The following PHACTR1 variants were observed in gnomAD, a reference collection of about 807,000 sequenced individuals.
The protein encoded by PHACTR1 is phosphatase and actin regulator 1, also known as RPEL repeat containing 1.
A neutral mutation model predicts 69.2 loss-of-function variants in PHACTR1; 16 were observed. That is an observed-to-expected ratio of 0.23 (90% CI 0.16 to 0.35). The LOEUF (loss-of-function observed/expected upper bound fraction) is 0.35. Among genes scored for constraint, PHACTR1 ranks in the 10% least tolerant of loss-of-function variants. PHACTR1 has a pLI of 1.00. For synonymous variants in PHACTR1, 312 were observed against 284.5 expected, an observed-to-expected ratio of 1.10 and a Z score of -0.97; for missense variants, 510 against 734.7, an observed-to-expected ratio of 0.69 and a Z score of 3.54.
intron 4 of PHACTR1, among the ~76,000 whole-genome samples, chr6:12,778,564 GGATT>G (rs1423946514): frequency 1.3e-5 from 2 of 152,038 alleles, no homozygotes; most frequent in Non-Finnish European, 2.9e-5. Flanking sequence ...ACACACAAAA[GGATT>G]GTTTAGTTTA....
At chr6:13,222,115 C>G (rs1768764058) in intron 8 of PHACTR1, among the ~76,000 whole-genome samples, 1 of 152,032 alleles carries the variant, frequency 6.6e-6, no homozygotes, top group African/African-American at 2.4e-5. Context: ...GTTTTAGAAG[C>G]TAGTTAGCCC....
At chr6:13,176,532 G>A (rs137961628) in intron 6 of PHACTR1, among the ~76,000 whole-genome samples, 1 of 152,194 alleles carries the variant, frequency 6.6e-6, no homozygotes, top group East Asian at 1.9e-4. Context: ...TGTGTAGCAC[G>A]TATGTTTCCA....
chr6:13,054,398 G>C (rs1806458770), intron 5 of PHACTR1, among the ~76,000 whole-genome samples: 2 of 152,166 alleles, frequency 1.3e-5, no homozygotes, highest in African/African-American at 4.8e-5. Flanking sequence ...GATTCCCTTT[G>C]GTTTTGGTCT....
chr6:13,161,484 A>G (rs560007839), intron 6 of PHACTR1, among the ~76,000 whole-genome samples: 3 of 151,912 alleles, frequency 2.0e-5, no homozygotes, highest in Non-Finnish European at 2.9e-5. Flanking sequence ...AGGTCTTCTG[A>G]TTGTTTCATG....
intron 4 of PHACTR1, among the ~76,000 whole-genome samples, chr6:13,050,529 G>T (rs1482875484): frequency 6.6e-6 from 1 of 152,102 alleles, no homozygotes; most frequent in Admixed American, 6.5e-5. Context: ...TAAGAACCAT[G>T]TTTCATACAT....
At chr6:13,027,619 G>C (rs1433105322) in intron 4 of PHACTR1, among the ~76,000 whole-genome samples, 1 of 152,138 alleles carries the variant, frequency 6.6e-6, no homozygotes. Flanking sequence ...ACTTCAATGA[G>C]ATGTTTTCCA....
chr6:13,187,523 TA>T (rs1022337371), intron 7 of PHACTR1, among the ~76,000 whole-genome samples: 9 of 152,188 alleles, frequency 5.9e-5, no homozygotes, highest in African/African-American at 2.2e-4. Flanking sequence ...GAAAAAGGCA[TA>T]AAAAGATTTA....
At chr6:13,250,809 C>T (rs937821294) in intron 10 of PHACTR1, among the ~76,000 whole-genome samples, 3 of 152,076 alleles carry the variant, frequency 2.0e-5, no homozygotes, top group African/African-American at 7.2e-5. Flanking sequence ...CAGGTCTGGG[C>T]GCAAGACAGG....
chr6:13,219,088 C>A (rs1345925721), intron 8 of PHACTR1, among the ~76,000 whole-genome samples: 3 of 152,108 alleles, frequency 2.0e-5, no homozygotes, highest in Non-Finnish European at 2.9e-5. Flanking sequence ...TACAGCTTTT[C>A]ACCTCCCTAA....
At chr6:12,906,423 T>A (rs945949007) in intron 4 of PHACTR1, among the ~76,000 whole-genome samples, 1 of 152,210 alleles carries the variant, frequency 6.6e-6, no homozygotes, top group African/African-American at 2.4e-5. Context: ...CAATGAAAAG[T>A]GCTCTTGATA....
At chr6:12,904,393 G>A (rs1264796859) in intron 4 of PHACTR1, among the ~76,000 whole-genome samples, 1 of 151,986 alleles carries the variant, frequency 6.6e-6, no homozygotes, top group African/African-American at 2.4e-5. Context: ...AAATAGCCAG[G>A]CGTGGTGGCA....
At chr6:13,277,022 C>G (rs1779065313) in intron 11 of PHACTR1, among the ~76,000 whole-genome samples, 1 of 152,196 alleles carries the variant, frequency 6.6e-6, no homozygotes, top group Non-Finnish European at 1.5e-5. Flanking sequence ...GGCTGAGAAT[C>G]ACAGGCCTTC....
chr6:13,212,999 A>G (rs907774788), intron 8 of PHACTR1, among the ~76,000 whole-genome samples: 1 of 152,086 alleles, frequency 6.6e-6, no homozygotes, highest in African/African-American at 2.4e-5. Context: ...TGCTCTTCTC[A>G]CCTAATAGAA....
intron 4 of PHACTR1, among the ~76,000 whole-genome samples, chr6:12,769,500 G>C (rs1769105660): frequency 6.6e-6 from 1 of 152,204 alleles, no homozygotes; most frequent in Non-Finnish European, 1.5e-5. Flanking sequence ...CTATGTATGG[G>C]ACCTTGAGTT....
chr6:13,040,292 C>T (rs1803944894), intron 4 of PHACTR1, among the ~76,000 whole-genome samples: 1 of 152,108 alleles, frequency 6.6e-6, no homozygotes, highest in Non-Finnish European at 1.5e-5. Flanking sequence ...ATTTCTTGTG[C>T]CTGCCCTTTT....
At chr6:12,842,347 CAT>C (rs1323773751) in intron 4 of PHACTR1, among the ~76,000 whole-genome samples, 17 of 152,134 alleles carry the variant, frequency 1.1e-4, no homozygotes, top group Non-Finnish European at 2.9e-5. Flanking sequence ...CTGGGGAAAA[CAT>C]ATGATAGTAA....
chr6:12,737,430 CAT>C (rs746096488), intron 3 of PHACTR1, among the ~76,000 whole-genome samples: 22 of 151,996 alleles, frequency 1.4e-4, no homozygotes, highest in African/African-American at 3.9e-4. Flanking sequence ...CGCATGCACA[CAT>C]ATGTGTCCAG....
intron 6 of PHACTR1, among the ~76,000 whole-genome samples, chr6:13,175,926 A>G (rs1761255467): frequency 6.6e-6 from 1 of 152,034 alleles, no homozygotes; most frequent in Non-Finnish European, 1.5e-5. Context: ...ACCAACTGGG[A>G]AAGTCTGAGT....
chr6:12,888,913 A>G (rs34944538), intron 4 of PHACTR1, among the ~76,000 whole-genome samples: 36,825 of 152,214 alleles, frequency 0.24, 4,860 homozygotes, highest in Middle Eastern at 0.37. Context: ...TTCTTCTTTG[A>G]TGAAATGTAT....
Sources: gnomAD v4.1 joint callset for allele counts (sites outside exome capture counted in the v4.1 genomes callset) on GRCh38, gnomAD v4.1.1 for gene constraint, MANE v1.5 for transcripts, NCBI Gene and HGNC (gene_info 2026-07-23, HGNC 2026-07-21) for gene names.